DLGAP1: variants seen among roughly 807,000 people sequenced by gnomAD.
The protein encoded by DLGAP1 is disks large-associated protein 1.
DLGAP1 carries 11 observed loss-of-function variants against 90.8 expected under a neutral mutation model. The observed-to-expected ratio is 0.12, with a 90% CI of 0.08 to 0.20. The LOEUF (loss-of-function observed/expected upper bound fraction) is 0.20. Ranked by LOEUF, DLGAP1 falls within the 10% of genes least tolerant of loss-of-function variation. The pLI is 1.00. For missense variants in DLGAP1, 1,050 were observed against 1,333.8 expected, an observed-to-expected ratio of 0.79 and a Z score of 3.31; for synonymous variants, 558 against 540.7, an observed-to-expected ratio of 1.03 and a Z score of -0.44.
chr18:3,788,381 C>A (rs922246673), intron 5 of DLGAP1, among the ~76,000 whole-genome samples: 1 of 152,166 alleles, frequency 6.6e-6, no homozygotes, highest in Non-Finnish European at 1.5e-5. Context: ...CCTGCTTAAT[C>A]CTTTCAATCC....
At chr18:4,051,511 G>A (rs1468790933) in intron 2 of DLGAP1, among the ~76,000 whole-genome samples, 1 of 152,184 alleles carries the variant, frequency 6.6e-6, no homozygotes, top group Non-Finnish European at 1.5e-5. Context: ...GAACAGCATG[G>A]AGGGTAACCA....
At chr18:4,236,411 C>A (rs986732051) in intron 1 of DLGAP1, among the ~76,000 whole-genome samples, 5 of 152,134 alleles carry the variant, frequency 3.3e-5, no homozygotes, top group Admixed American at 1.3e-4. Flanking sequence ...AGTAAATGTG[C>A]CACTGAAGCA....
intron 5 of DLGAP1, among the ~76,000 whole-genome samples, chr18:3,793,249 C>T (rs769929346): frequency 3.9e-5 from 6 of 152,118 alleles, no homozygotes; most frequent in Non-Finnish European, 7.3e-5. Flanking sequence ...CATGTCTGAT[C>T]CGTGAATGCA....
chr18:4,239,325 G>GT (rs1196240704), intron 1 of DLGAP1, among the ~76,000 whole-genome samples: 1 of 152,042 alleles, frequency 6.6e-6, no homozygotes, highest in Admixed American at 6.6e-5. Flanking sequence ...AAAAAAATTA[G>GT]TTTTTTTCAT....
chr18:4,192,133 G>A (rs188367079), intron 1 of DLGAP1, among the ~76,000 whole-genome samples: 117 of 152,090 alleles, frequency 7.7e-4, no homozygotes, highest in African/African-American at 1.4e-3. Context: ...CATAAAAAAC[G>A]CCCTTATTTA....
chr18:3,962,408 T>A (rs1040323344), intron 3 of DLGAP1: 1 of 152,198 alleles, frequency 6.6e-6, no homozygotes, highest in Non-Finnish European at 1.5e-5. Flanking sequence ...AAACATCTCA[T>A]CCTACCTGCT....
chr18:4,085,781 C>T (rs568828750), intron 2 of DLGAP1, among the ~76,000 whole-genome samples: 34 of 152,270 alleles, frequency 2.2e-4, no homozygotes, highest in African/African-American at 6.7e-4. Context: ...CACAATTATC[C>T]GGTCCAGTCA....
chr18:4,037,254 A>C (rs1299291214), intron 2 of DLGAP1, among the ~76,000 whole-genome samples: 1 of 152,218 alleles, frequency 6.6e-6, no homozygotes, highest in African/African-American at 2.4e-5. Context: ...TGACTACAGA[A>C]AGTTAATAAT....
intron 2 of DLGAP1, among the ~76,000 whole-genome samples, chr18:4,042,213 A>C (rs1261113494): frequency 1.3e-5 from 2 of 152,196 alleles, no homozygotes; most frequent in African/African-American, 4.8e-5. Flanking sequence ...ACAATCATTC[A>C]GGTCACTTGG....
At position 4,238,884 on chromosome 18, in the gene DLGAP1, C is replaced by T. The variant is rs539650390; in HGVS notation, c.-266-87597G>A. The stretch of plus-strand genomic sequence containing the variant: ...GGTGAATTTGAAAAATGCCCCTCTC[C>T]ACCCCAAATTATTGAATTATAATGT... On this transcript the variant is annotated intron_variant, in intron 1 of 12. Transcript: ENST00000315677. 4.6e-5 allele frequency among the ~76,000 whole-genome samples: 7 copies of T among 152,302 alleles called. 1 individual carries two copies. The highest frequency in any genetic ancestry group is 1.7e-4 in the African/African-American group (7 of 41,570).
intron 7 of DLGAP1, among the ~76,000 whole-genome samples, chr18:3,640,972 T>C (rs2058915250): frequency 6.6e-6 from 1 of 152,202 alleles, no homozygotes. Context: ...CACAGTCATA[T>C]GGCTACTAAG....
intron 1 of DLGAP1, among the ~76,000 whole-genome samples, chr18:4,357,157 C>CTTTTTTTTTTTTTTTTTTTT (rs554248097): frequency 9.2e-6 from 1 of 108,744 alleles, no homozygotes; most frequent in Non-Finnish European, 1.7e-5. Flanking sequence ...TGTTTTTTTC[C>CTTTTTTTTTTTTTTTTTTTT]TTTTTTTTTT....
chr18:3,580,669 G>C, intron 8 of DLGAP1: 3 of 1,609,586 alleles, frequency 1.9e-6, no homozygotes, highest in Non-Finnish European at 2.5e-6. Flanking sequence ...TGCTGGGCCC[G>C]GCCCCTGAGG....
rs115700303 is a variant in DLGAP1 at position 3,507,783 on chromosome 18, C to A, written c.2571+787G>T. Reference sequence around the variant, plus strand: ...GGAGATGAAGTCTCACTCTGTCCCCCAAACTAGAGTGCAATGAACCTCAGC... The same window carrying A: ...GGAGATGAAGTCTCACTCTGTCCCCAAAACTAGAGTGCAATGAACCTCAGC... On this transcript the variant is annotated intron_variant, in intron 11 of 12. Transcript: ENST00000315677. 6.7e-3 allele frequency among the ~76,000 whole-genome samples: 995 copies of A among 148,546 alleles called. 9 individuals carry two copies. The highest frequency in any genetic ancestry group is 0.024 in the African/African-American group (959 of 40,066).
At chr18:4,186,995 ATT>A (rs2077307422) in intron 1 of DLGAP1, among the ~76,000 whole-genome samples, 1 of 151,952 alleles carries the variant, frequency 6.6e-6, no homozygotes, top group African/African-American at 2.4e-5. Context: ...TTAGCTAGGT[ATT>A]GTCTTTCTTT....
chr18:3,647,470 C>CTT (rs752082348), intron 7 of DLGAP1, among the ~76,000 whole-genome samples: 3 of 142,720 alleles, frequency 2.1e-5, no homozygotes, highest in South Asian at 4.5e-4. Flanking sequence ...ATTTAAGCTC[C>CTT]TTTTTTTTTT....
intron 7 of DLGAP1, among the ~76,000 whole-genome samples, chr18:3,610,230 A>T (rs2057540297): frequency 6.6e-6 from 1 of 152,182 alleles, no homozygotes; most frequent in Admixed American, 6.5e-5. Flanking sequence ...ACAGGCAGGA[A>T]TAGCCCTGCC....
intron 1 of DLGAP1, among the ~76,000 whole-genome samples, chr18:4,343,103 C>T (rs544602729): frequency 5.3e-5 from 8 of 151,698 alleles, no homozygotes; most frequent in South Asian, 2.1e-4. Context: ...GTCAGGAGGT[C>T]GAGACCATCC....
At chr18:3,996,161 A>T (rs2074065222) in intron 3 of DLGAP1, among the ~76,000 whole-genome samples, 1 of 152,162 alleles carries the variant, frequency 6.6e-6, no homozygotes. Flanking sequence ...TAAATTTTAC[A>T]TATCTAAGTG....
Sources: gnomAD v4.1 joint callset for allele counts (sites outside exome capture counted in the v4.1 genomes callset) on GRCh38, gnomAD v4.1.1 for gene constraint, MANE v1.5 for transcripts, NCBI Gene and HGNC (gene_info 2026-07-23, HGNC 2026-07-21) for gene names.